Variants in PIGF observed in about 807,000 individuals in gnomAD.
The protein encoded by PIGF is phosphatidylinositol glycan anchor biosynthesis class F, also known as GPI ethanolamine phosphate transferase, stabilizing subunit.
PIGF carries 23 observed loss-of-function variants against 26.0 expected under a neutral mutation model. The ratio of observed to expected loss-of-function variants is 0.88; its 90% CI spans 0.64 to 1.25. PIGF has a LOEUF of 1.25. Among genes scored for constraint, PIGF ranks in the 50% most tolerant of loss-of-function variants. The pLI is 0.00. For missense variants in PIGF, 278 were observed against 249.9 expected (o/e 1.11, Z -0.76); for synonymous variants, 93 against 92.6 (o/e 1.00, Z -0.03).
At chr2:46,582,054 C>T (rs1669403541) in intron 5 of PIGF, 1 of 155,120 alleles carries the variant, frequency 6.4e-6, no homozygotes, top group Non-Finnish European at 1.4e-5. Context: ...AAGCGTGTTA[C>T]ATGAAAATTG....
chr2:46,591,737 G>A, intron 5 of PIGF: 11 of 1,147,914 alleles, frequency 9.6e-6, no homozygotes, highest in Non-Finnish European at 1.2e-5. Context: ...GTGACCTTGG[G>A]AATGTTACAT....
intron 4 of PIGF, among the ~76,000 whole-genome samples, chr2:46,610,526 C>CTTTTTTTT (rs10690699): frequency 9.1e-6 from 1 of 110,314 alleles, no homozygotes; most frequent in Non-Finnish European, 1.8e-5. Context: ...GTACTGATTC[C>CTTTTTTTT]TTTTTTTTTT....
Position 46,615,153 on chromosome 2 carries a change from G to C in PIGF, c.12C>G (p.Asn4Lys). The stretch of plus-strand genomic sequence containing the variant: ...GGGTATACAGTAGTCTCTTGATATC[G>C]TTATCTTTCATGGTGTTTTCTTGGA... MKD[N>K]DIKRLLYTHL... The change falls in exon 2 of 6, where the codon AAC becomes AAG. Residue 4 changes from asparagine to lysine, a missense_variant. Asn to Lys is a moderately conservative substitution (Grantham distance 94). Transcript: ENST00000281382. 1 of 1,492,932 alleles carries C rather than the reference G, an allele frequency of 6.7e-7. No homozygotes were observed. The highest frequency in any genetic ancestry group is 1.7e-5 in the Admixed American group (1 of 58,944). 92.5% of individuals were successfully genotyped at this position (1,492,932 alleles called of 1,614,324 possible).
At chr2:46,583,671 T>G (rs1381730286) in intron 5 of PIGF, among the ~76,000 whole-genome samples, 2 of 152,198 alleles carry the variant, frequency 1.3e-5, no homozygotes, top group Non-Finnish European at 2.9e-5. Flanking sequence ...AAAAACTGCC[T>G]TATTTTCAGA....
intron 4 of PIGF, among the ~76,000 whole-genome samples, chr2:46,597,350 G>C (rs951057745): frequency 1.3e-5 from 2 of 152,028 alleles, no homozygotes; most frequent in African/African-American, 4.8e-5. Flanking sequence ...GATGTTTTAA[G>C]TCTGAAAATG....
chr2:46,612,808 G>C (rs1261322919), intron 3 of PIGF, among the ~76,000 whole-genome samples: 3 of 152,108 alleles, frequency 2.0e-5, no homozygotes, highest in Non-Finnish European at 2.9e-5. Context: ...ACTAAAGATT[G>C]GTGGGGGCTC....
Position 46,612,283 on chromosome 2 carries a change from A to G in PIGF, c.382T>C (p.Leu128=). Residue 128 remains leucine, a synonymous_variant, in exon 4 of 6, where the codon TTA becomes CTA. Coordinates refer to ENST00000281382, the MANE Select transcript of PIGF (RefSeq NM_002643.4). ...TTGAGGTTTGGTCCTAACAAACATA[A>G]GCAAGGCACAGTAGTAAAAGTAGAC... ...ILSTFTTVPC[L]CLLGPNLKAW... is the part of the protein sequence containing the mutation. 1 of 1,493,588 alleles carries G rather than the reference A, an allele frequency of 6.7e-7. No individual in the cohort carries two copies. Among genetic ancestry groups the G allele is most frequent in the Non-Finnish European group, 9.0e-7 (1 of 1,115,190 alleles). The allele number at this position is 1,493,588 out of a possible 1,614,324, so 92.5% of individuals were successfully genotyped here.
chr2:46,614,690 T>C (rs1049575756), intron 2 of PIGF: 9 of 344,004 alleles, frequency 2.6e-5, no homozygotes, highest in African/African-American at 1.5e-4. Flanking sequence ...ACAATGACTA[T>C]ATAGGCTCAC....
rs1386101167 is a variant in PIGF at position 46,591,923 on chromosome 2, C to T, written c.546+552G>A. On this transcript the variant is annotated intron_variant, in intron 5 of 5. Transcript: ENST00000281382. ...GCTGCAAAAATTACCTTGCTATCTG[C>T]TTCTAAAAATTTCAAGAGGAACATT... 4 of 1,303,688 alleles carry T rather than the reference C, an allele frequency of 3.1e-6. No homozygotes were observed. In the Admixed American group the frequency reaches 6.9e-5, roughly 22 times the overall value. The allele number at this position is 1,303,688 out of a possible 1,614,324, so 80.8% of individuals were successfully genotyped here.
At chr2:46,600,080 C>T (rs970046725) in intron 4 of PIGF, among the ~76,000 whole-genome samples, 2 of 152,208 alleles carry the variant, frequency 1.3e-5, no homozygotes, top group Non-Finnish European at 2.9e-5. Flanking sequence ...AATGGTGGTT[C>T]TATAATTGAG....
At chr2:46,597,490 G>C (rs1444822741) in intron 4 of PIGF, among the ~76,000 whole-genome samples, 3 of 151,682 alleles carry the variant, frequency 2.0e-5, no homozygotes, top group African/African-American at 7.3e-5. Context: ...TTGGCTTACT[G>C]CAACGTCTGC....
intron 4 of PIGF, among the ~76,000 whole-genome samples, chr2:46,605,650 C>T (rs1670197645): frequency 2.0e-5 from 3 of 152,030 alleles, no homozygotes; most frequent in South Asian, 2.1e-4. Flanking sequence ...ATCACTTGGC[C>T]GCTAAGTAGT....
intron 4 of PIGF, among the ~76,000 whole-genome samples, chr2:46,608,464 A>G (rs762921814): frequency 6.6e-5 from 10 of 152,168 alleles, no homozygotes; most frequent in Non-Finnish European, 1.3e-4. Flanking sequence ...GTCAATGTTG[A>G]TATTTTTATC....
At chr2:46,599,373 A>G (rs867657249) in intron 4 of PIGF, among the ~76,000 whole-genome samples, 1 of 152,158 alleles carries the variant, frequency 6.6e-6, no homozygotes, top group Admixed American at 6.5e-5. Context: ...ACTGTCTTCT[A>G]TCACATCTTT....
rs1164711901 is a variant in PIGF, at chr2:46,588,334, A to G, written c.546+4141T>C. On this transcript the variant is annotated intron_variant, in intron 5 of 5. Coordinates refer to ENST00000281382, the MANE Select transcript of PIGF (RefSeq NM_002643.4). The surrounding 1 kb of genome is among the most constrained non-coding windows in gnomAD (Gnocchi z 4.1). Reference sequence around the variant, plus strand: ...AAAACAACAAACTGAGACAATTAACATATTCTCTAATATATGAGAACTCAA... The same window carrying G: ...AAAACAACAAACTGAGACAATTAACGTATTCTCTAATATATGAGAACTCAA... 5 of 923,014 alleles carry G rather than the reference A, an allele frequency of 5.4e-6. No individual in the cohort carries two copies. The highest frequency in any genetic ancestry group is 7.9e-6 in the Non-Finnish European group (5 of 636,838). The allele number at this position is 923,014 out of a possible 1,614,324, so 57.2% of individuals were successfully genotyped here. A position where few individuals can be genotyped will look rare whatever the true frequency, so the allele number is the denominator to read the frequency against.
At chr2:46,582,722 T>C (rs1209470096) in intron 5 of PIGF, 1 of 152,636 alleles carries the variant, frequency 6.6e-6, no homozygotes, top group African/African-American at 2.4e-5. Flanking sequence ...CACTAAACTT[T>C]TATACTTGAA....
At chr2:46,587,402 T>C (rs1669610377) in intron 5 of PIGF, among the ~76,000 whole-genome samples, 1 of 151,584 alleles carries the variant, frequency 6.6e-6, no homozygotes, top group Non-Finnish European at 1.5e-5. Context: ...TGAATATACA[T>C]ATTTCACAAA....
chr2:46,584,410 T>A (rs1433729837), intron 5 of PIGF, among the ~76,000 whole-genome samples: 1 of 152,218 alleles, frequency 6.6e-6, no homozygotes, highest in African/African-American at 2.4e-5. Flanking sequence ...TAATCCCTCA[T>A]GAATCCCAGC....
chr2:46,615,228 TTTTCCATTG>T (rs1670574843), intron 1 of PIGF, 43 bp from the exon 2 acceptor site: 1 of 782,386 alleles, frequency 1.3e-6, no homozygotes, highest in Non-Finnish European at 2.2e-6. Context: ...AATAACGACT[TTTTCCATTG>T]TCTTAAATGT....
Sources: gnomAD v4.1 joint callset for allele counts (sites outside exome capture counted in the v4.1 genomes callset) on GRCh38, gnomAD v4.1.1 for gene constraint, Gnocchi (gnomAD v3.1) non-coding constraint, MANE v1.5 for transcripts, NCBI Gene and HGNC (gene_info 2026-07-23, HGNC 2026-07-21) for gene names.